Variants in NGEF observed in about 807,000 individuals in gnomAD.
NGEF encodes ephexin-1.
Under a neutral mutation model 80.9 loss-of-function variants are expected in NGEF, and 31 were observed. The observed-to-expected ratio is 0.38, with a 90% CI of 0.29 to 0.52. The LOEUF (loss-of-function observed/expected upper bound fraction) is 0.52. NGEF is among the 20% of genes least tolerant of loss of function. NGEF has a pLI of 0.84. For synonymous variants in NGEF, 371 were observed against 370.2 expected (o/e 1.00, Z -0.03); for missense variants, 709 against 926.2 (o/e 0.77, Z 3.04).
intron 1 of NGEF, among the ~76,000 whole-genome samples, chr2:233,000,387 G>C (rs548045415): frequency 6.6e-6 from 1 of 151,764 alleles, no homozygotes; most frequent in Non-Finnish European, 1.5e-5. Context: ...GTGAGCCACC[G>C]TGCCCAGCCT....
At chr2:232,997,239 AC>A (rs1694873160) in intron 1 of NGEF, among the ~76,000 whole-genome samples, 1 of 152,126 alleles carries the variant, frequency 6.6e-6, no homozygotes, top group South Asian at 2.1e-4. Context: ...CTTTTCTAAC[AC>A]ATTCTCAGAT....
At chr2:232,981,033 T>C (rs551524277) in intron 1 of NGEF, among the ~76,000 whole-genome samples, 149 of 151,488 alleles carry the variant, frequency 9.8e-4, no homozygotes, top group African/African-American at 3.3e-3. Context: ...AGCCCTGCCA[T>C]CTCTCGCTAT....
Position 232,894,872 on chromosome 2 carries a change from A to T in NGEF, c.873T>A (p.Ser291Arg), listed in dbSNP as rs762884887. The change falls in exon 6 of 15, where the codon AGT (serine) becomes AGA (arginine). Residue 291 changes from serine to arginine, a missense_variant. Coordinates refer to ENST00000264051, the MANE Select transcript of NGEF (RefSeq NM_019850.3). ...LVTSEASYYK[S>R]LNLLVSHFME... is the part of the protein sequence containing the mutation. ...TGAAGTGGGACACGAGCAGGTTCAGACTCTTGTAGTAGGACGCCTCGGAAG... is the reference window on the plus strand; with the variant it reads ...TGAAGTGGGACACGAGCAGGTTCAGTCTCTTGTAGTAGGACGCCTCGGAAG... 2 of 1,607,152 alleles carry T rather than the reference A, an allele frequency of 1.2e-6. No individual in the cohort carries two copies. The highest frequency in any genetic ancestry group is 3.3e-5 in the Admixed American group (2 of 59,946).
intron 5 of NGEF, among the ~76,000 whole-genome samples, chr2:232,897,476 C>T (rs1692136973): frequency 6.6e-6 from 1 of 152,118 alleles, no homozygotes; most frequent in African/African-American, 2.4e-5. Context: ...TGCCACCTCC[C>T]AGGTAGCGCA....
At chr2:233,009,665 T>A (rs929334897) in intron 1 of NGEF, among the ~76,000 whole-genome samples, 1 of 150,172 alleles carries the variant, frequency 6.7e-6, no homozygotes. Context: ...AACTCCTGGA[T>A]GATTGGAGGT....
intron 1 of NGEF, among the ~76,000 whole-genome samples, chr2:232,981,154 G>A (rs1694408661): frequency 2.2e-5 from 1 of 45,748 alleles, no homozygotes; most frequent in Non-Finnish European, 4.5e-5. Context: ...CAAGCACCTG[G>A]AATTGCCTTT....
rs144152322 is a variant in NGEF at position 232,899,990 on chromosome 2, TCA to T, written c.829-5076_829-5075del. ...CTCATATACACATTCACTCATTCAC[TCA>T]CACACGCTCTCACAGTCACTCATAT... On this transcript the variant is annotated intron_variant, in intron 5 of 14. Transcript: ENST00000264051. Among the ~76,000 whole-genome samples the T allele has an allele frequency of 1.5e-4, 10 of 67,176 alleles. No homozygotes were observed. In the East Asian group the frequency reaches 1.7e-3, roughly 11 times the overall value. 44.1% of individuals were successfully genotyped at this position (67,176 alleles called of 152,430 possible). A position where few individuals can be genotyped will look rare whatever the true frequency, so the allele number is the denominator to read the frequency against.
intron 5 of NGEF, among the ~76,000 whole-genome samples, chr2:232,904,909 C>A (rs1692455411): frequency 1.3e-5 from 2 of 152,220 alleles, no homozygotes; most frequent in African/African-American, 4.8e-5. Context: ...CACCACTGCA[C>A]TCCCGCCTGG....
chr2:232,900,662 TCA>T lies in NGEF; in HGVS notation c.829-5748_829-5747del, dbSNP rs71405715. ...CATATACACGTTCACTCACATTCACTCACACACACACGCTCTCAGTCACTCAT... is the reference window on the plus strand; with the variant it reads ...CATATACACGTTCACTCACATTCACTCACACACACGCTCTCAGTCACTCAT... On this transcript the variant is annotated intron_variant, in intron 5 of 14. Transcript: ENST00000264051. Among the ~76,000 whole-genome samples the T allele has an allele frequency of 2.3e-3, 273 of 116,180 alleles. 8 individuals are homozygous for T. The highest frequency in any genetic ancestry group is 3.5e-3 in the Non-Finnish European group (195 of 55,634). 76.2% of individuals were successfully genotyped at this position (116,180 alleles called of 152,430 possible).
intron 5 of NGEF, among the ~76,000 whole-genome samples, chr2:232,907,906 C>G (rs911983167): frequency 6.6e-6 from 1 of 152,076 alleles, no homozygotes; most frequent in African/African-American, 2.4e-5. Context: ...GTCAAGAGTT[C>G]GACACCAGCT....
chr2:232,978,599 AACCACC>A (rs1158531015), intron 1 of NGEF, among the ~76,000 whole-genome samples: 1 of 152,132 alleles, frequency 6.6e-6, no homozygotes, highest in Non-Finnish European at 1.5e-5. Context: ...CAGTGCATGT[AACCACC>A]ACCACCACCA....
intron 2 of NGEF, among the ~76,000 whole-genome samples, chr2:232,974,342 C>G (rs3817321): frequency 6.6e-6 from 1 of 151,780 alleles, no homozygotes; most frequent in African/African-American, 2.4e-5. Flanking sequence ...GCATGTACAG[C>G]GAGGGGTGTT....
chr2:232,900,386 TCA>T lies in NGEF; in HGVS notation c.829-5472_829-5471del, dbSNP rs756210829. On this transcript the variant is annotated intron_variant, in intron 5 of 14. Coordinates refer to ENST00000264051, the MANE Select transcript of NGEF (RefSeq NM_019850.3). ...CACATTCACTTACACACACACGCTC[TCA>T]CAGTCACTCATATACACGTTCACTC... Among the ~76,000 whole-genome samples the T allele has an allele frequency of 3.6e-4, 32 of 88,852 alleles. 1 individual carries two copies. The highest frequency in any genetic ancestry group is 6.2e-4 in the Admixed American group (5 of 8,030). 58.3% of individuals were successfully genotyped at this position (88,852 alleles called of 152,430 possible). A position where few individuals can be genotyped will look rare whatever the true frequency, so the allele number is the denominator to read the frequency against.
Position 232,884,177 on chromosome 2 carries a change from G to T in NGEF, c.1438-33C>A, listed in dbSNP as rs372496398. 6 of 1,545,494 alleles carry T rather than the reference G, an allele frequency of 3.9e-6. No individual in the cohort carries two copies. The East Asian group carries it at 1.2e-4, about 30-fold the overall frequency. ...GGGGAAAGGGCATCAGGCAGGCTGTGCCCACAATGTCCCTCCCCAGGACAT... is the reference window on the plus strand; with the variant it reads ...GGGGAAAGGGCATCAGGCAGGCTGTTCCCACAATGTCCCTCCCCAGGACAT... On this transcript the variant is annotated intron_variant, in intron 10 of 14. Coordinates refer to ENST00000264051, the MANE Select transcript of NGEF (RefSeq NM_019850.3).
At chr2:232,911,775 G>T (rs1427400172) in intron 5 of NGEF, among the ~76,000 whole-genome samples, 1 of 152,082 alleles carries the variant, frequency 6.6e-6, no homozygotes, top group Non-Finnish European at 1.5e-5. Context: ...TATTGTAAAT[G>T]GTATAATTTT....
At chr2:232,974,598 C>G in intron 2 of NGEF, 25 bp downstream of exon 2, 1 of 1,608,916 alleles carries the variant, frequency 6.2e-7, no homozygotes, top group Non-Finnish European at 8.5e-7. Flanking sequence ...AGGGAACAGC[C>G]GTGACAGCTG....
chr2:232,887,983 A>G, intron 9 of NGEF, 50 bp downstream of exon 9: 2 of 1,425,936 alleles, frequency 1.4e-6, no homozygotes, highest in South Asian at 1.1e-5. Context: ...GTGTGCCTGG[A>G]TGAGGAAAAC....
chr2:232,983,061 T>C (rs1694469802), intron 1 of NGEF, among the ~76,000 whole-genome samples: 1 of 152,206 alleles, frequency 6.6e-6, no homozygotes, highest in African/African-American at 2.4e-5. Flanking sequence ...GAGACAGCTG[T>C]CACCCTGCCC....
At chr2:232,885,202 G>T (rs1484086174) in intron 10 of NGEF, 78 bp downstream of exon 10, 2 of 1,333,804 alleles carry the variant, frequency 1.5e-6, no homozygotes, top group African/African-American at 1.4e-5. Flanking sequence ...GGCCAGCCAG[G>T]CGCGGTGATC....
Sources: gnomAD v4.1 joint callset for allele counts (sites outside exome capture counted in the v4.1 genomes callset) on GRCh38, gnomAD v4.1.1 for gene constraint, MANE v1.5 for transcripts, NCBI Gene and HGNC (gene_info 2026-07-23, HGNC 2026-07-21) for gene names.